The following PLXNA4 variants were observed in gnomAD, a reference collection of about 807,000 sequenced individuals.
PLXNA4 encodes the protein plexin-A4.
PLXNA4 carries 44 observed loss-of-function variants against 191.8 expected under a neutral mutation model. That is an observed-to-expected ratio of 0.23 (90% CI 0.18 to 0.29). The LOEUF is 0.29. Among genes scored for constraint, PLXNA4 ranks in the 10% least tolerant of loss-of-function variants. PLXNA4 has a pLI of 1.00. For synonymous variants in PLXNA4, 1,082 were observed against 1,009.5 expected (o/e 1.07, Z -1.36); for missense variants, 1,800 against 2,488.8 (o/e 0.72, Z 5.89).
rs182918736 is a variant in PLXNA4 at position 132,371,922 on chromosome 7, G to A, written c.1372-73700C>T. On this transcript the variant is annotated intron_variant, in intron 3 of 31. Transcript: ENST00000321063. The stretch of plus-strand genomic sequence containing the variant: ...TTGATTGGGAAGGTAAGCCTGATGT[G>A]AAAAACTGCAATCATGCATCCAAAG... Among the ~76,000 whole-genome samples, 36 of 152,284 alleles carry A rather than the reference G, an allele frequency of 2.4e-4. No homozygotes were observed. In the East Asian group the frequency reaches 6.4e-3, roughly 27 times the overall value.
At chr7:132,549,940 CAGA>C (rs1371356011) in intron 1 of PLXNA4, among the ~76,000 whole-genome samples, 4 of 152,110 alleles carry the variant, frequency 2.6e-5, no homozygotes, top group African/African-American at 9.7e-5. Context: ...GAAAATTAGG[CAGA>C]AGAAGACAGC....
At chr7:132,615,906 A>T (rs1419448517) in intron 2 of PLXNA4, among the ~76,000 whole-genome samples, 1 of 135,098 alleles carries the variant, frequency 7.4e-6, no homozygotes, top group African/African-American at 2.7e-5. Flanking sequence ...GAGACTTAAC[A>T]CACTTTTTGA....
At chr7:132,566,918 T>G (rs1801753230) in intron 1 of PLXNA4, among the ~76,000 whole-genome samples, 1 of 152,188 alleles carries the variant, frequency 6.6e-6, no homozygotes, top group African/African-American at 2.4e-5. Context: ...TACAAGTCCC[T>G]ATTTTATCAG....
rs1354746024 is a variant in PLXNA4 at position 132,132,501 on chromosome 7, TA to T, written c.5589+547del. On this transcript the variant is annotated intron_variant, in intron 31 of 31. Transcript: ENST00000321063. The stretch of plus-strand genomic sequence containing the variant: ...TGCTCTGCTCTGCTCTATTCTTTTC[TA>T]TTCTATTCTATTCTATTCTATTCTA... 1.0e-3 allele frequency among the ~76,000 whole-genome samples: 97 copies of T among 94,814 alleles called. 2 individuals carry two copies. Among genetic ancestry groups the T allele is most frequent in the South Asian group, 3.2e-3 (11 of 3,410 alleles). 62.2% of individuals were successfully genotyped at this position (94,814 alleles called of 152,430 possible).
intron 3 of PLXNA4, among the ~76,000 whole-genome samples, chr7:132,305,268 G>C (rs189000949): frequency 6.6e-6 from 1 of 151,930 alleles, no homozygotes; most frequent in Non-Finnish European, 1.5e-5. Flanking sequence ...AGCACTTAAG[G>C]ACTGAGCATC....
chr7:132,575,396 C>T (rs1802180851), intron 1 of PLXNA4, among the ~76,000 whole-genome samples: 1 of 152,222 alleles, frequency 6.6e-6, no homozygotes, highest in Non-Finnish European at 1.5e-5. Flanking sequence ...GAATGCCTTG[C>T]CTTCTCCGGT....
chr7:132,559,550 C>T (rs1043887103), intron 1 of PLXNA4, among the ~76,000 whole-genome samples: 4 of 152,236 alleles, frequency 2.6e-5, no homozygotes, highest in African/African-American at 9.6e-5. Flanking sequence ...GGCCTCTCCC[C>T]ATCCCCAAGT....
At chr7:132,206,604 G>A (rs1490295554) in intron 10 of PLXNA4, among the ~76,000 whole-genome samples, 1 of 152,008 alleles carries the variant, frequency 6.6e-6, no homozygotes, top group African/African-American at 2.4e-5. Context: ...TAGAGAAATC[G>A]TTAACCCCAT....
chr7:132,393,226 C>A (rs1183985421), intron 3 of PLXNA4, among the ~76,000 whole-genome samples: 1 of 148,296 alleles, frequency 6.7e-6, no homozygotes, highest in Non-Finnish European at 1.5e-5. Flanking sequence ...ACCCCAGCCC[C>A]ACCCACCCAA....
intron 1 of PLXNA4, among the ~76,000 whole-genome samples, chr7:132,648,343 T>A (rs1286145007): frequency 1.3e-5 from 2 of 152,206 alleles, no homozygotes; most frequent in African/African-American, 4.8e-5. Context: ...CTTACCAATT[T>A]TTCAGTGACA....
chr7:132,279,386 T>C (rs1800395362), intron 4 of PLXNA4, among the ~76,000 whole-genome samples: 1 of 152,162 alleles, frequency 6.6e-6, no homozygotes, highest in African/African-American at 2.4e-5. Flanking sequence ...TCACACACTT[T>C]GGGATGCCAA....
chr7:132,282,140 T>C (rs969755606), intron 4 of PLXNA4, among the ~76,000 whole-genome samples: 1 of 152,224 alleles, frequency 6.6e-6, no homozygotes, highest in Non-Finnish European at 1.5e-5. Flanking sequence ...ACCAGATTTC[T>C]TGTTTTAAAT....
At chr7:132,361,550 C>A (rs1176145738) in intron 3 of PLXNA4, among the ~76,000 whole-genome samples, 1 of 152,108 alleles carries the variant, frequency 6.6e-6, no homozygotes, top group Non-Finnish European at 1.5e-5. Flanking sequence ...TCCTCACTTT[C>A]TCTTTTGCTA....
At chr7:132,477,087 G>T (rs751299123) in intron 3 of PLXNA4, among the ~76,000 whole-genome samples, 1 of 152,174 alleles carries the variant, frequency 6.6e-6, no homozygotes, top group Non-Finnish European at 1.5e-5. Flanking sequence ...GCAAAGAAGA[G>T]ATCACAAGCT....
intron 2 of PLXNA4, among the ~76,000 whole-genome samples, chr7:132,633,297 T>C (rs2116881432): frequency 6.6e-6 from 1 of 151,466 alleles, no homozygotes; most frequent in Non-Finnish European, 1.5e-5. Flanking sequence ...TTTTTTTTTT[T>C]TTTTAAGACG....
intron 3 of PLXNA4, among the ~76,000 whole-genome samples, chr7:132,448,634 C>A (rs1795997185): frequency 1.3e-5 from 2 of 152,176 alleles, no homozygotes; most frequent in Admixed American, 1.3e-4. Flanking sequence ...TAGGAAACAT[C>A]TTATTCCCTC....
chr7:132,575,579 A>AG (rs1429344014), intron 1 of PLXNA4, among the ~76,000 whole-genome samples: 2 of 152,214 alleles, frequency 1.3e-5, no homozygotes, highest in Non-Finnish European at 2.9e-5. Flanking sequence ...CAGGGAGGGT[A>AG]GGGAGGTGAG....
At chr7:132,389,678 G>A (rs756535601) in intron 3 of PLXNA4, among the ~76,000 whole-genome samples, 1 of 152,216 alleles carries the variant, frequency 6.6e-6, no homozygotes, top group Non-Finnish European at 1.5e-5. Flanking sequence ...TAGCCTTGTA[G>A]TATAGTTTGA....
chr7:132,271,947 A>G (rs1481625660), intron 4 of PLXNA4, among the ~76,000 whole-genome samples: 1 of 152,220 alleles, frequency 6.6e-6, no homozygotes, highest in Non-Finnish European at 1.5e-5. Flanking sequence ...AGGTGAAAAA[A>G]CAGATGATAG....
Sources: gnomAD v4.1 joint callset for allele counts (sites outside exome capture counted in the v4.1 genomes callset) on GRCh38, gnomAD v4.1.1 for gene constraint, MANE v1.5 for transcripts, NCBI Gene and HGNC (gene_info 2026-07-23, HGNC 2026-07-21) for gene names.